DAAM2: variants seen among roughly 807,000 people sequenced by gnomAD.
The protein encoded by DAAM2 is dishevelled associated activator of morphogenesis 2, also known as disheveled-associated activator of morphogenesis 2.
DAAM2 carries 39 observed loss-of-function variants against 120.7 expected under a neutral mutation model. That is an observed-to-expected ratio of 0.32 (90% CI 0.25 to 0.42). DAAM2 has a LOEUF of 0.42. Ranked by LOEUF, DAAM2 falls within the 10% of genes least tolerant of loss-of-function variation. The pLI is 1.00. For synonymous variants in DAAM2, 488 were observed against 524.9 expected (o/e 0.93, Z 0.96); for missense variants, 1,283 against 1,401.7 (o/e 0.92, Z 1.35).
intron 1 of DAAM2, among the ~76,000 whole-genome samples, chr6:39,797,134 A>G (rs1254922349): frequency 6.6e-6 from 1 of 152,066 alleles, no homozygotes; most frequent in East Asian, 1.9e-4. Flanking sequence ...GCCCCATGTG[A>G]CCCTCTATTG....
At chr6:39,828,763 A>C (rs905576095) in intron 1 of DAAM2, among the ~76,000 whole-genome samples, 1 of 151,808 alleles carries the variant, frequency 6.6e-6, no homozygotes, top group Non-Finnish European at 1.5e-5. Flanking sequence ...GGGTTTCACC[A>C]TGTTGGCCTG....
Position 39,879,315 on chromosome 6 carries a change from T to TC in DAAM2, c.1686dup (p.Gly563ArgfsTer28). ...CCCCTCCCCCACCACCACCCCTTCC[T>TC]CCCGGGGGACCCCCGACTCCCCCAG... is the stretch of plus-strand genomic sequence containing the variant. On this transcript the variant is annotated frameshift_variant, in exon 14 of 25. Transcript: ENST00000274867. LOFTEE classifies it high-confidence loss of function. 2.5e-6 allele frequency: 2 copies of TC among 799,302 alleles called. No homozygotes were observed. The highest frequency in any genetic ancestry group is 7.6e-5 in the East Asian group (1 of 13,212). The allele number at this position is 799,302 out of a possible 1,614,324, so 49.5% of individuals were successfully genotyped here.
At chr6:39,795,244 A>G (rs370345578) in intron 1 of DAAM2, among the ~76,000 whole-genome samples, 30 of 152,336 alleles carry the variant, frequency 2.0e-4, no homozygotes, top group Middle Eastern at 3.4e-3. Context: ...GAGGGCAAAC[A>G]CAGCTGGCAG....
At chr6:39,825,447 G>C (rs1161050266) in intron 1 of DAAM2, among the ~76,000 whole-genome samples, 2 of 116,424 alleles carry the variant, frequency 1.7e-5, no homozygotes, top group East Asian at 2.9e-4. Flanking sequence ...CGGGGGGTTG[G>C]TGGGGGGCCT....
intron 1 of DAAM2, among the ~76,000 whole-genome samples, chr6:39,802,744 T>C (rs1035209467): frequency 6.6e-6 from 1 of 152,164 alleles, no homozygotes; most frequent in African/African-American, 2.4e-5. Flanking sequence ...TTTTATTTTG[T>C]CTTAACTTTT....
chr6:39,831,336 C>A (rs1762879393), intron 1 of DAAM2, among the ~76,000 whole-genome samples: 1 of 152,042 alleles, frequency 6.6e-6, no homozygotes, highest in Non-Finnish European at 1.5e-5. Flanking sequence ...CTTGAAAGAC[C>A]TCACTGAGAG....
At position 39,901,442 on chromosome 6, in the gene DAAM2, G is replaced by A. The variant is rs1242843681; in HGVS notation, c.2952G>A (p.Glu984=). The A allele has an allele frequency of 3.1e-6, 5 of 1,612,366 alleles. No individual in the cohort carries two copies. Among genetic ancestry groups the A allele is most frequent in the Non-Finnish European group, 3.4e-6 (4 of 1,179,832 alleles). The change falls in exon 24 of 25, where the codon GAG becomes GAA. Residue 984 remains glutamate (E), a synonymous_variant. Transcript: ENST00000274867. The surrounding 1 kb of genome is among the most constrained non-coding windows in gnomAD (Gnocchi z 4.5). ...AGGCCATGAGGAGGAGGAAGGAGGA[G>A]GAGGAGCGGCGGGCGCGCATGGAAG... The part of the protein sequence containing the change: ...DLEAMRRRKE[E]EERRARMEAM...
intron 22 of DAAM2, 171 bp downstream of exon 22, chr6:39,899,108 TA>T: frequency 3.2e-6 from 2 of 616,582 alleles, no homozygotes; most frequent in Non-Finnish European, 5.8e-6. Context: ...TTGAGCCTTT[TA>T]AAAGGGGTTA....
At chr6:39,885,014 A>G (rs985152026) in intron 15 of DAAM2, 1 of 152,070 alleles carries the variant, frequency 6.6e-6, no homozygotes, top group Middle Eastern at 3.4e-3. Context: ...CTGGGCTACC[A>G]TCTTCCTTGT....
Position 39,878,664 on chromosome 6 carries a change from C to A in DAAM2, c.1545+76C>A. On this transcript the variant is annotated intron_variant, in intron 13 of 24. Coordinates refer to ENST00000274867, the MANE Select transcript of DAAM2 (RefSeq NM_001201427.2). The surrounding 1 kb of genome is among the most constrained non-coding windows in gnomAD (Gnocchi z 5.0). ...AGGACTGGGTGGGCAGAGCAGGTGT[C>A]GGAGAGGCCAAGGACCCCAGCATGA... 6.9e-7 allele frequency: 1 copy of A among 1,455,712 alleles called. No homozygotes were observed. The highest frequency in any genetic ancestry group is 1.4e-5 in the South Asian group (1 of 73,962). The allele number at this position is 1,455,712 out of a possible 1,614,324, so 90.2% of individuals were successfully genotyped here. A position where few individuals can be genotyped will look rare whatever the true frequency, so the allele number is the denominator to read the frequency against.
At chr6:39,879,697 C>T (rs376056054) in intron 14 of DAAM2, 16 of 626,394 alleles carry the variant, frequency 2.6e-5, no homozygotes, top group South Asian at 5.6e-5. Flanking sequence ...GCAATGCTGA[C>T]GTTGACAAAG....
chr6:39,860,702 T>C (rs1056921168), intron 2 of DAAM2, among the ~76,000 whole-genome samples: 3 of 151,832 alleles, frequency 2.0e-5, no homozygotes, highest in Non-Finnish European at 2.9e-5. Flanking sequence ...GGACAGGAAG[T>C]AAAGGGAGTG....
At chr6:39,869,737 CT>C (rs1764576107) in intron 7 of DAAM2, among the ~76,000 whole-genome samples, 1 of 131,968 alleles carries the variant, frequency 7.6e-6, no homozygotes, top group Admixed American at 7.6e-5. Flanking sequence ...ACTTTCCCCT[CT>C]TTTCCGCCAG....
rs1192002608 is a variant in DAAM2 at position 39,896,612 on chromosome 6, T to C, written c.2342-200T>C. On this transcript the variant is annotated intron_variant, in intron 19 of 24. Transcript: ENST00000274867. Reference sequence around the variant, plus strand: ...TATCTGGTGAATTGGCCTTGGTGAATGTGTCTGCTTCCCCTGGAGGTGGGT... The same window carrying C: ...TATCTGGTGAATTGGCCTTGGTGAACGTGTCTGCTTCCCCTGGAGGTGGGT... Among the ~76,000 whole-genome samples, 4 of 152,318 alleles carry C rather than the reference T, an allele frequency of 2.6e-5. No individual in the cohort carries two copies. The East Asian group carries it at 7.7e-4, about 29-fold the overall frequency.
intron 1 of DAAM2, among the ~76,000 whole-genome samples, chr6:39,807,364 A>C (rs1010111101): frequency 9.9e-5 from 15 of 152,244 alleles, no homozygotes; most frequent in African/African-American, 1.4e-4. Flanking sequence ...TATATGTATA[A>C]TTAAAGCATA....
chr6:39,818,991 G>A (rs1762398442), intron 1 of DAAM2: 1 of 152,198 alleles, frequency 6.6e-6, no homozygotes, highest in Non-Finnish European at 1.5e-5. Context: ...TGATGCCAGT[G>A]CCAGGGGGTA....
intron 1 of DAAM2, among the ~76,000 whole-genome samples, chr6:39,809,626 A>G (rs567505230): frequency 1.3e-5 from 2 of 152,316 alleles, no homozygotes; most frequent in South Asian, 4.1e-4. Flanking sequence ...TTTTCCCCCT[A>G]GAGAGCCACA....
intron 1 of DAAM2, among the ~76,000 whole-genome samples, chr6:39,834,445 A>G (rs1231367038): frequency 6.6e-6 from 1 of 152,178 alleles, no homozygotes; most frequent in Non-Finnish European, 1.5e-5. Context: ...GATTTGCAGC[A>G]GTAGCTCCTG....
chr6:39,795,608 T>C (rs1020801911), intron 1 of DAAM2, among the ~76,000 whole-genome samples: 5 of 152,204 alleles, frequency 3.3e-5, no homozygotes, highest in African/African-American at 1.2e-4. Context: ...GTGCTGTATT[T>C]TTATTTTTCA....
Sources: gnomAD v4.1 joint callset for allele counts (sites outside exome capture counted in the v4.1 genomes callset) on GRCh38, gnomAD v4.1.1 for gene constraint, Gnocchi (gnomAD v3.1) non-coding constraint, MANE v1.5 for transcripts, NCBI Gene and HGNC (gene_info 2026-07-23, HGNC 2026-07-21) for gene names.